SGTB: variants seen among roughly 807,000 people sequenced by gnomAD.
The protein encoded by SGTB is small glutamine rich tetratricopeptide repeat co-chaperone beta, also known as small glutamine-rich tetratricopeptide repeat-containing protein beta.
In SGTB, 19 loss-of-function variants were observed where a neutral mutation model predicts 43.9. The observed-to-expected ratio is 0.43, with a 90% CI of 0.30 to 0.63. The LOEUF is 0.63. Ranked by LOEUF, SGTB falls within the 30% of genes least tolerant of loss-of-function variation. The probability of loss-of-function intolerance (pLI) is 0.12; values close to 1 mark genes in which losing one functional copy is unlikely to be tolerated. For missense variants in SGTB, 304 were observed against 358.9 expected (o/e 0.85, Z 1.24); for synonymous variants, 116 against 117.3 (o/e 0.99, Z 0.07).
chr5:65,686,453 C>T (rs1025017402), intron 5 of SGTB, among the ~76,000 whole-genome samples: 11 of 152,160 alleles, frequency 7.2e-5, no homozygotes, highest in Non-Finnish European at 1.3e-4. Context: ...TGTTCCTCTC[C>T]CACTGCAATC....
At chr5:65,675,202 T>C (rs1373764914) in intron 8 of SGTB, among the ~76,000 whole-genome samples, 1 of 152,232 alleles carries the variant, frequency 6.6e-6, no homozygotes, top group African/African-American at 2.4e-5. Flanking sequence ...ATTATTTTGT[T>C]GTTTTGTAAG....
At chr5:65,674,418 T>A (rs550748684) in intron 8 of SGTB, among the ~76,000 whole-genome samples, 3 of 152,304 alleles carry the variant, frequency 2.0e-5, no homozygotes, top group Middle Eastern at 3.4e-3. Flanking sequence ...GAAACACCTC[T>A]GCTCCACTCT....
At chr5:65,722,810 G>C (rs1301929165), upstream of SGTB, 1 of 188,882 alleles carries the variant, frequency 5.3e-6, no homozygotes, top group African/African-American at 2.3e-5. Flanking sequence ...TTTGCTCCTC[G>C]CGCCCATTAT....
At chr5:65,702,346 A>T (rs1052898298) in intron 5 of SGTB, among the ~76,000 whole-genome samples, 1 of 152,230 alleles carries the variant, frequency 6.6e-6, no homozygotes, top group African/African-American at 2.4e-5. Flanking sequence ...ATACACCATG[A>T]TGTTAAAAAA....
intron 2 of SGTB, among the ~76,000 whole-genome samples, chr5:65,714,327 C>G (rs1477384038): frequency 6.6e-6 from 1 of 151,052 alleles, no homozygotes; most frequent in African/African-American, 2.5e-5. Context: ...ATAAACCTAA[C>G]AGAAAAAAAT....
Position 65,666,093 on chromosome 5 carries a change from A to G in SGTB, c.*4153T>C, listed in dbSNP as rs537255072. On this transcript the variant is annotated 3_prime_UTR_variant, in exon 11 of 11. Transcript: ENST00000381007. ...AATTGAAGTCTGTCTTTGTTTCAAA[A>G]TGATTAAGATTAAATGATGAAATAA... The G allele has an allele frequency of 6.5e-6, 1 of 152,746 alleles. No homozygotes were observed. The highest frequency in any genetic ancestry group is 1.9e-4 in the East Asian group (1 of 5,190). The allele number at this position is 152,746 out of a possible 1,614,324, so 9.5% of individuals were successfully genotyped here. A position where few individuals can be genotyped will look rare whatever the true frequency, so the allele number is the denominator to read the frequency against.
intron 8 of SGTB, among the ~76,000 whole-genome samples, chr5:65,673,010 G>C (rs1757188192): frequency 6.6e-6 from 1 of 152,190 alleles, no homozygotes; most frequent in African/African-American, 2.4e-5. Context: ...AGGAAAAGCA[G>C]GATGTATGAG....
chr5:65,712,401 G>A (rs1758061009), intron 3 of SGTB, among the ~76,000 whole-genome samples: 1 of 152,208 alleles, frequency 6.6e-6, no homozygotes, highest in South Asian at 2.1e-4. Flanking sequence ...CCAAGACCAT[G>A]TATAAATAGT....
chr5:65,716,261 GC>G (rs1758148136), intron 2 of SGTB, among the ~76,000 whole-genome samples: 1 of 152,224 alleles, frequency 6.6e-6, no homozygotes, highest in Non-Finnish European at 1.5e-5. Context: ...AATGGCTGAA[GC>G]CAAATGAGAA....
At chr5:65,670,647 G>C (rs186800011) in intron 10 of SGTB, among the ~76,000 whole-genome samples, 1 of 152,160 alleles carries the variant, frequency 6.6e-6, no homozygotes, top group Non-Finnish European at 1.5e-5. Context: ...AGGGTAAGAC[G>C]TATATGTTTT....
At chr5:65,716,827 T>C (rs1413587354) in intron 2 of SGTB, among the ~76,000 whole-genome samples, 1 of 151,866 alleles carries the variant, frequency 6.6e-6, no homozygotes, top group Admixed American at 6.6e-5. Context: ...AAATAGCATA[T>C]AAATAAGGGG....
upstream of SGTB, chr5:65,722,497 CT>C: frequency 7.9e-7 from 1 of 1,259,664 alleles, no homozygotes. Context: ...GGACCCACCC[CT>C]TCCCGACCGC....
chr5:65,707,411 C>T (rs1256005608), intron 4 of SGTB, among the ~76,000 whole-genome samples: 6 of 149,380 alleles, frequency 4.0e-5, no homozygotes, highest in African/African-American at 1.5e-4. Context: ...CACACACACA[C>T]ACACACACAC....
chr5:65,672,406 G>A, intron 8 of SGTB, 125 bp from the exon 9 acceptor site: 1 of 1,188,344 alleles, frequency 8.4e-7, no homozygotes, highest in Non-Finnish European at 1.2e-6. Flanking sequence ...GAGTTTCAGT[G>A]TGCTATGCAA....
intron 5 of SGTB, among the ~76,000 whole-genome samples, chr5:65,701,631 T>A (rs1038829426): frequency 4.2e-4 from 19 of 44,916 alleles, no homozygotes; most frequent in Middle Eastern, 0.019. Flanking sequence ...TTAAATTAAA[T>A]TTTTTTTTTT....
At chr5:65,679,776 G>A (rs903066296) in intron 8 of SGTB, among the ~76,000 whole-genome samples, 2 of 152,178 alleles carry the variant, frequency 1.3e-5, no homozygotes, top group African/African-American at 4.8e-5. Flanking sequence ...AGACCTAGAA[G>A]CAGAAATACC....
intron 1 of SGTB, among the ~76,000 whole-genome samples, chr5:65,721,096 T>C (rs1758265611): frequency 6.6e-6 from 1 of 152,224 alleles, no homozygotes; most frequent in Non-Finnish European, 1.5e-5. Context: ...TCAAAACATG[T>C]ACAGCATAAG....
chr5:65,684,693 C>A (rs745315701), intron 6 of SGTB, among the ~76,000 whole-genome samples: 1 of 152,020 alleles, frequency 6.6e-6, no homozygotes, highest in Admixed American at 6.6e-5. Flanking sequence ...GCTGGGTCTG[C>A]GGGTGCTCAT....
At chr5:65,722,223 G>C (rs943792796), upstream of SGTB, 33 of 416,130 alleles carry the variant, frequency 7.9e-5, no homozygotes, top group South Asian at 1.1e-3. Context: ...GCGTGGAGCT[G>C]CCGCACGTGG....
Sources: allele counts gnomAD v4.1 joint callset (sites outside exome capture counted in the v4.1 genomes callset), GRCh38; gene constraint gnomAD v4.1.1; transcripts MANE v1.5; gene names NCBI Gene and HGNC (gene_info 2026-07-23, HGNC 2026-07-21).